The following ADD3 variants were observed in gnomAD, a reference collection of about 807,000 sequenced individuals.
ADD3 encodes the protein adducin 3.
A neutral mutation model predicts 80.2 loss-of-function variants in ADD3; 25 were observed. The ratio of observed to expected loss-of-function variants is 0.31; its 90% CI spans 0.23 to 0.44. The LOEUF is 0.44. Among genes scored for constraint, ADD3 ranks in the 20% least tolerant of loss-of-function variants. The probability of loss-of-function intolerance (pLI) is 1.00; values close to 1 mark genes in which losing one functional copy is unlikely to be tolerated. For missense variants in ADD3, 829 were observed against 847.5 expected (o/e 0.98, Z 0.27); for synonymous variants, 284 against 289.6 (o/e 0.98, Z 0.20).
chr10:110,022,230 A>G (rs1853761960), intron 1 of ADD3, among the ~76,000 whole-genome samples: 1 of 152,128 alleles, frequency 6.6e-6, no homozygotes, highest in South Asian at 2.1e-4. Flanking sequence ...AGAGAGTTGG[A>G]ACTGTCTTAT....
chr10:110,094,672 G>A (rs7073575), intron 1 of ADD3, among the ~76,000 whole-genome samples: 2,452 of 152,186 alleles, frequency 0.016, 63 homozygotes, highest in African/African-American at 0.052. Context: ...TTTAAAAGCA[G>A]CTCATGTCTT....
intron 1 of ADD3, among the ~76,000 whole-genome samples, chr10:110,087,634 T>A (rs1363046089): frequency 6.6e-6 from 1 of 152,244 alleles, no homozygotes; most frequent in Non-Finnish European, 1.5e-5. Flanking sequence ...ATTGTACTTA[T>A]GTATATCAGA....
At chr10:110,037,874 C>T (rs923872065) in intron 1 of ADD3, among the ~76,000 whole-genome samples, 2 of 151,720 alleles carry the variant, frequency 1.3e-5, no homozygotes, top group Admixed American at 1.3e-4. Context: ...TGAAACCAGC[C>T]AGATCAACAT....
At position 110,126,489 on chromosome 10, in the gene ADD3, G is replaced by A. The variant is rs757097119; in HGVS notation, c.1594G>A (p.Asp532Asn). 16 of 1,612,494 alleles carry A rather than the reference G, an allele frequency of 9.9e-6. No individual in the cohort carries two copies. In the South Asian group the frequency reaches 1.6e-4, roughly 17 times the overall value. ...TCAGTTGCTTGCTGGAATTGTTGTG[G>A]ATAAGCCACCTTCTGTAAGTTTATG... ...QSQLLAGIVV[D>N]KPPSTMQFED... The change falls in exon 12 of 15, where the codon GAT (aspartate) becomes AAT (asparagine). Residue 532 changes from aspartate to asparagine, a missense_variant. Transcript: ENST00000356080.
At chr10:110,035,288 T>C (rs1180291065) in intron 1 of ADD3, among the ~76,000 whole-genome samples, 2 of 152,196 alleles carry the variant, frequency 1.3e-5, no homozygotes, top group African/African-American at 4.8e-5. Flanking sequence ...CTGCTATACC[T>C]TCATTGATAT....
intron 2 of ADD3, among the ~76,000 whole-genome samples, chr10:110,109,188 G>T (rs1251084129): frequency 6.6e-6 from 1 of 151,814 alleles, no homozygotes; most frequent in African/African-American, 2.4e-5. Context: ...TTTCTCACCA[G>T]TTTAATAAAT....
chr10:110,052,122 T>C (rs1367084681), intron 1 of ADD3, among the ~76,000 whole-genome samples: 1 of 152,166 alleles, frequency 6.6e-6, no homozygotes, highest in Non-Finnish European at 1.5e-5. Context: ...TCTGTACCAC[T>C]GAATTGTTTA....
chr10:110,113,358 C>T (rs1274894757), intron 3 of ADD3, among the ~76,000 whole-genome samples: 1 of 152,176 alleles, frequency 6.6e-6, no homozygotes, highest in Non-Finnish European at 1.5e-5. Flanking sequence ...ACCTCCACCT[C>T]GCAGGTTCAA....
chr10:110,052,176 T>C (rs1278540203), intron 1 of ADD3, among the ~76,000 whole-genome samples: 1 of 152,200 alleles, frequency 6.6e-6, no homozygotes, highest in African/African-American at 2.4e-5. Flanking sequence ...AATGTACCAA[T>C]AATTTTCTTT....
chr10:110,098,247 T>A (rs1463269876), intron 1 of ADD3, among the ~76,000 whole-genome samples: 1 of 152,220 alleles, frequency 6.6e-6, no homozygotes, highest in African/African-American at 2.4e-5. Context: ...ATTATTCTTA[T>A]CTATGAATAA....
At position 110,008,044 on chromosome 10, in the gene ADD3, G is replaced by A. The variant is rs1238017380; in HGVS notation, c.-285G>A. 1 of 152,310 alleles carries A rather than the reference G, an allele frequency of 6.6e-6. No homozygotes were observed. Among genetic ancestry groups the A allele is most frequent in the Non-Finnish European group, 1.5e-5 (1 of 68,120 alleles). The allele number at this position is 152,310 out of a possible 1,614,324, so 9.4% of individuals were successfully genotyped here. On this transcript the variant is annotated 5_prime_UTR_variant, in exon 1 of 15. Transcript: ENST00000356080. ...GTGAGGGGCGGGAGGGAAAGAAGAG[G>A]GGTTTAAATTAGATTTTTTAAAACA...
At chr10:110,107,509 A>G (rs557146989) in intron 2 of ADD3, among the ~76,000 whole-genome samples, 23 of 152,158 alleles carry the variant, frequency 1.5e-4, no homozygotes, top group Non-Finnish European at 2.8e-4. Context: ...GCAGCAGACT[A>G]TGGAAATTTT....
intron 8 of ADD3, among the ~76,000 whole-genome samples, chr10:110,121,074 C>G (rs1044592790): frequency 9.2e-5 from 14 of 152,012 alleles, no homozygotes; most frequent in Non-Finnish European, 5.9e-5. Flanking sequence ...CATTACCATT[C>G]AGGACATAGG....
chr10:110,028,434 G>A (rs2133161613), intron 1 of ADD3, among the ~76,000 whole-genome samples: 1 of 152,078 alleles, frequency 6.6e-6, no homozygotes, highest in East Asian at 1.9e-4. Context: ...CGTGGTGGCG[G>A]GCGCCTGTAA....
intron 1 of ADD3, among the ~76,000 whole-genome samples, chr10:110,094,675 CATGTCTTTTAGAACTTAAA>C (rs1216685852): frequency 1.3e-5 from 2 of 152,106 alleles, no homozygotes; most frequent in African/African-American, 4.8e-5. Flanking sequence ...AAAAGCAGCT[CATGTCTTTTAGAACTTAAA>C]ATGAAGAAAA....
chr10:110,108,666 T>G (rs1849647848), intron 2 of ADD3, among the ~76,000 whole-genome samples: 1 of 152,164 alleles, frequency 6.6e-6, no homozygotes, highest in African/African-American at 2.4e-5. Context: ...ATTTTTTATA[T>G]TAGTCTTATA....
chr10:110,086,641 G>A (rs888423021), intron 1 of ADD3, among the ~76,000 whole-genome samples: 5 of 152,048 alleles, frequency 3.3e-5, no homozygotes, highest in Admixed American at 6.6e-5. Context: ...TCCTTCGCTC[G>A]CTTGCTCTCC....
chr10:110,017,334 G>A (rs544915481), intron 1 of ADD3, among the ~76,000 whole-genome samples: 1 of 152,206 alleles, frequency 6.6e-6, no homozygotes, highest in Non-Finnish European at 1.5e-5. Context: ...GGGTAAATAC[G>A]ATTGAGAATT....
chr10:110,070,306 C>G (rs550335122), intron 1 of ADD3, among the ~76,000 whole-genome samples: 1 of 152,234 alleles, frequency 6.6e-6, no homozygotes, highest in African/African-American at 2.4e-5. Context: ...TCGTTCATTT[C>G]TTACATTTTT....
Sources: gnomAD v4.1 joint callset for allele counts (sites outside exome capture counted in the v4.1 genomes callset) on GRCh38, gnomAD v4.1.1 for gene constraint, MANE v1.5 for transcripts, NCBI Gene and HGNC (gene_info 2026-07-23, HGNC 2026-07-21) for gene names.